EDIL3: variants seen among roughly 807,000 people sequenced by gnomAD.
The protein encoded by EDIL3 is EGF-like repeat and discoidin I-like domain-containing protein 3.
In EDIL3, 37 loss-of-function variants were observed where a neutral mutation model predicts 67.4. That is an observed-to-expected ratio of 0.55 (90% CI 0.42 to 0.72). The LOEUF is 0.72. EDIL3 is among the 30% of genes least tolerant of loss of function. The probability of loss-of-function intolerance (pLI) is 0.00; values close to 1 mark genes in which losing one functional copy is unlikely to be tolerated. For missense variants in EDIL3, 527 were observed against 586.3 expected, an observed-to-expected ratio of 0.90 and a Z score of 1.04; for synonymous variants, 195 against 196.3, an observed-to-expected ratio of 0.99 and a Z score of 0.05.
chr5:84,042,428 C>A (rs1454186233), intron 9 of EDIL3, among the ~76,000 whole-genome samples: 4 of 151,940 alleles, frequency 2.6e-5, no homozygotes, highest in Non-Finnish European at 4.4e-5. Flanking sequence ...ATTACAGGTG[C>A]CCGCCACCAT....
At chr5:84,358,513 C>T (rs1747533200) in intron 1 of EDIL3, among the ~76,000 whole-genome samples, 2 of 151,098 alleles carry the variant, frequency 1.3e-5, no homozygotes, top group South Asian at 2.1e-4. Flanking sequence ...GTGTCATACC[C>T]AGTCAACTAA....
At chr5:84,219,987 G>C (rs537158850) in intron 3 of EDIL3, among the ~76,000 whole-genome samples, 1 of 151,966 alleles carries the variant, frequency 6.6e-6, no homozygotes, top group African/African-American at 2.4e-5. Flanking sequence ...TGGGGAGTGG[G>C]GATGGTTAAT....
chr5:84,337,156 T>C (rs1019334890), intron 1 of EDIL3, among the ~76,000 whole-genome samples: 12 of 152,180 alleles, frequency 7.9e-5, no homozygotes, highest in African/African-American at 2.9e-4. Context: ...TCCAAATTCA[T>C]TGAAAAGTCC....
rs566188439 is a variant in EDIL3, at chr5:84,305,091, G to A, written c.68-50879C>T. 1.8e-4 allele frequency among the ~76,000 whole-genome samples: 27 copies of A among 152,160 alleles called. No homozygotes were observed. The East Asian group carries it at 4.0e-3, about 23-fold the overall frequency. ...AAACTAACAGAATAAAATCAACTTC[G>A]GTATAAGAAGGTAAATAAAATCTAG... is the stretch of plus-strand genomic sequence containing the variant. On this transcript the variant is annotated intron_variant, in intron 1 of 10. Transcript: ENST00000296591.
At chr5:83,970,636 G>T (rs1744774338) in intron 9 of EDIL3, among the ~76,000 whole-genome samples, 2 of 102,238 alleles carry the variant, frequency 2.0e-5, no homozygotes, top group African/African-American at 9.0e-5. Flanking sequence ...TGTGACATAG[G>T]ATCACAGTAT....
intron 3 of EDIL3, among the ~76,000 whole-genome samples, chr5:84,208,514 C>A (rs1234610894): frequency 2.7e-5 from 4 of 150,616 alleles, no homozygotes; most frequent in Non-Finnish European, 5.9e-5. Context: ...CCCGTCTCTA[C>A]CAAAAATACA....
At chr5:83,959,381 A>T (rs2112125727) in intron 10 of EDIL3, among the ~76,000 whole-genome samples, 1 of 151,008 alleles carries the variant, frequency 6.6e-6, no homozygotes, top group South Asian at 2.1e-4. Flanking sequence ...ACTTTTCTGA[A>T]GTAATCTTGT....
intron 4 of EDIL3, among the ~76,000 whole-genome samples, chr5:84,143,013 A>G (rs1469110230): frequency 5.3e-5 from 8 of 151,944 alleles, no homozygotes; most frequent in Admixed American, 5.3e-4. Context: ...TAGCTATTAC[A>G]TATTCTCCAG....
At chr5:84,047,300 CACTT>C (rs1197549614) in intron 9 of EDIL3, among the ~76,000 whole-genome samples, 1 of 152,034 alleles carries the variant, frequency 6.6e-6, no homozygotes, top group Non-Finnish European at 1.5e-5. Flanking sequence ...ATTTAATAAT[CACTT>C]ACTATATCTT....
chr5:84,212,748 C>G (rs2112391053), intron 3 of EDIL3, among the ~76,000 whole-genome samples: 1 of 152,198 alleles, frequency 6.6e-6, no homozygotes. Context: ...CATGTGTGAC[C>G]TGGAATAGAG....
At chr5:83,952,465 C>A (rs1744438939) in intron 10 of EDIL3, among the ~76,000 whole-genome samples, 1 of 151,744 alleles carries the variant, frequency 6.6e-6, no homozygotes, top group Non-Finnish European at 1.5e-5. Context: ...TTTTGACTGC[C>A]ATAAGAAATA....
chr5:84,261,834 T>C (rs551011984), intron 1 of EDIL3, among the ~76,000 whole-genome samples: 2 of 152,292 alleles, frequency 1.3e-5, no homozygotes, highest in East Asian at 3.9e-4. Flanking sequence ...ATCTCTTAGA[T>C]GTTATCCAGT....
At chr5:84,160,751 TTTCCTTTCCTTTCCTTTCCTTTC>T (rs1561449324) in intron 4 of EDIL3, among the ~76,000 whole-genome samples, 38 of 16,458 alleles carry the variant, frequency 2.3e-3, no homozygotes, top group African/African-American at 5.0e-3. Flanking sequence ...TTTTCTTTCC[TTTCCTTTCCTTTCCTTTCCTTTC>T]CTTTCCTTTC....
chr5:84,117,041 T>G (rs1747681103), intron 5 of EDIL3, among the ~76,000 whole-genome samples: 1 of 143,920 alleles, frequency 6.9e-6, no homozygotes, highest in Non-Finnish European at 1.5e-5. Flanking sequence ...TTTTTTTTTT[T>G]TTTTGAGACG....
chr5:84,380,257 A>G (rs1322159691), intron 1 of EDIL3, among the ~76,000 whole-genome samples: 1 of 152,050 alleles, frequency 6.6e-6, no homozygotes, highest in African/African-American at 2.4e-5. Context: ...ACTATAGAAC[A>G]TCTAAGGAAG....
intron 9 of EDIL3, among the ~76,000 whole-genome samples, chr5:83,969,542 C>A (rs938763539): frequency 6.6e-6 from 1 of 151,640 alleles, no homozygotes; most frequent in Non-Finnish European, 1.5e-5. Context: ...GTTTCCAATT[C>A]TTTTACTATC....
chr5:83,978,487 A>G (rs561904808), intron 9 of EDIL3, among the ~76,000 whole-genome samples: 1 of 152,092 alleles, frequency 6.6e-6, no homozygotes, highest in Admixed American at 6.6e-5. Context: ...AATGTGCTAA[A>G]CTGATTTGAA....
chr5:84,040,787 T>G (rs1746106146), intron 9 of EDIL3, among the ~76,000 whole-genome samples: 2 of 152,128 alleles, frequency 1.3e-5, no homozygotes, highest in African/African-American at 2.4e-5. Flanking sequence ...GCAATTAGAT[T>G]AATGCTTAAG....
intron 1 of EDIL3, among the ~76,000 whole-genome samples, chr5:84,313,263 G>A (rs1344628106): frequency 6.6e-6 from 1 of 152,156 alleles, no homozygotes; most frequent in Non-Finnish European, 1.5e-5. Context: ...ATTACATTAA[G>A]GGGAAAAATA....
Sources: gnomAD v4.1 joint callset for allele counts (sites outside exome capture counted in the v4.1 genomes callset) on GRCh38, gnomAD v4.1.1 for gene constraint, MANE v1.5 for transcripts, NCBI Gene and HGNC (gene_info 2026-07-23, HGNC 2026-07-21) for gene names.